The following MAP3K3 variants were observed in gnomAD, a reference collection of about 807,000 sequenced individuals.
The protein encoded by MAP3K3 is MAP/ERK kinase kinase 3.
In MAP3K3, 12 loss-of-function variants were observed where a neutral mutation model predicts 80.9. The observed-to-expected ratio is 0.15, with a 90% CI of 0.10 to 0.24. MAP3K3 has a LOEUF of 0.24. Among genes scored for constraint, MAP3K3 ranks in the 10% least tolerant of loss-of-function variants. MAP3K3 has a pLI of 1.00. For synonymous variants in MAP3K3, 272 were observed against 307.1 expected (o/e 0.89, Z 1.19); for missense variants, 596 against 834.7 (o/e 0.71, Z 3.52).
chr17:63,681,062 TATC>T (rs2008916170), intron 6 of MAP3K3, among the ~76,000 whole-genome samples: 1 of 147,732 alleles, frequency 6.8e-6, no homozygotes, highest in South Asian at 2.1e-4. Flanking sequence ...TGCAAGATAA[TATC>T]ATTACTCAGA....
intron 4 of MAP3K3, among the ~76,000 whole-genome samples, chr17:63,653,153 ACTC>A (rs1401284821): frequency 6.6e-6 from 1 of 151,210 alleles, no homozygotes; most frequent in Non-Finnish European, 1.5e-5. Flanking sequence ...AAGTTCTTTA[ACTC>A]CTCCTCCTCC....
At chr17:63,633,564 C>T (rs893568053) in intron 2 of MAP3K3, among the ~76,000 whole-genome samples, 1 of 152,116 alleles carries the variant, frequency 6.6e-6, no homozygotes, top group Non-Finnish European at 1.5e-5. Flanking sequence ...AGTTATTTTA[C>T]CTTATTAACC....
intron 3 of MAP3K3, among the ~76,000 whole-genome samples, chr17:63,652,005 C>T (rs2143341667): frequency 6.6e-6 from 1 of 152,270 alleles, no homozygotes; most frequent in Middle Eastern, 3.4e-3. Flanking sequence ...ACGTTTTCTA[C>T]CTTATTTCCT....
At chr17:63,684,430 C>T (rs2035405441) in intron 7 of MAP3K3, among the ~76,000 whole-genome samples, 1 of 152,142 alleles carries the variant, frequency 6.6e-6, no homozygotes, top group Admixed American at 6.5e-5. Context: ...TATCCTATAT[C>T]CTTAGCAACA....
At chr17:63,671,132 G>A (rs749837978) in intron 6 of MAP3K3, among the ~76,000 whole-genome samples, 99 of 151,974 alleles carry the variant, frequency 6.5e-4, no homozygotes, top group Non-Finnish European at 1.3e-4. Flanking sequence ...AGAGGAAGGA[G>A]CAGGTGAACT....
chr17:63,654,940 G>A lies in MAP3K3; in HGVS notation c.267+2284G>A, dbSNP rs202109501. Among the ~76,000 whole-genome samples, 129 of 152,204 alleles carry A rather than the reference G, an allele frequency of 8.5e-4. No homozygotes were observed. The East Asian group carries it at 0.023, about 27-fold the overall frequency. On this transcript the variant is annotated intron_variant, in intron 4 of 15. Coordinates refer to ENST00000361733, the MANE Select transcript of MAP3K3 (RefSeq NM_002401.5). ...AGTCCCAGCTACTCAGGAGCCTGAG[G>A]CAGAAGAATTACTTGAACCCGAGAG...
chr17:63,662,650 ATTTTTTTTTTTTT>A (rs1192833142), intron 5 of MAP3K3, among the ~76,000 whole-genome samples: 1 of 82,582 alleles, frequency 1.2e-5, no homozygotes, highest in African/African-American at 5.9e-5. Context: ...AGAAGAGGGA[ATTTTTTTTTTTTT>A]TTTTTTTTTT....
In MAP3K3 at chr17:63,689,461, G is replaced by A. The variant is rs910179295; in HGVS notation, c.872-83G>A. The A allele has an allele frequency of 1.6e-5, 19 of 1,214,186 alleles. No homozygotes were observed. Among genetic ancestry groups the A allele is most frequent in the Admixed American group, 8.9e-5 (4 of 45,034 alleles). The allele number at this position is 1,214,186 out of a possible 1,614,324, so 75.2% of individuals were successfully genotyped here. The stretch of plus-strand genomic sequence containing the variant: ...GTTTGTATATTCCGCCTTGTAGCCC[G>A]GGGTGTCTCAGACCTGGTTTGTACG... On this transcript the variant is annotated intron_variant, in intron 10 of 15. Transcript: ENST00000361733. This position sits in a 1 kb window ranked among gnomAD's most constrained non-coding sequence, Gnocchi z 4.3.
Position 63,692,474 on chromosome 17 carries a change from C to A in MAP3K3, c.1652+55C>A. 3 of 1,522,230 alleles carry A rather than the reference C, an allele frequency of 2.0e-6. No individual in the cohort carries two copies. The South Asian group carries it at 3.8e-5, about 19-fold the overall frequency. The allele number at this position is 1,522,230 out of a possible 1,614,324, so 94.3% of individuals were successfully genotyped here. On this transcript the variant is annotated intron_variant, in intron 15 of 15. Transcript: ENST00000361733. The surrounding 1 kb of genome is among the most constrained non-coding windows in gnomAD (Gnocchi z 4.5). ...TTCCACCCAGGCCATAGTGGCCCCC[C>A]ATTAGAAACACACCCTGGGGACTTT...
rs531762538 is a variant in MAP3K3 at position 63,631,191 on chromosome 17, G to C, written c.5-1490G>C. On this transcript the variant is annotated intron_variant, in intron 1 of 15. Coordinates refer to ENST00000361733, the MANE Select transcript of MAP3K3 (RefSeq NM_002401.5). ...AGTCCCAGCTACTCTGGAGGCTGAG[G>C]TGGAGGATTGTTTGAGCCTGGGGGT... Among the ~76,000 whole-genome samples the C allele has an allele frequency of 2.0e-5, 3 of 152,320 alleles. No individual in the cohort carries two copies. In the South Asian group the frequency reaches 6.2e-4, roughly 32 times the overall value.
At chr17:63,639,385 G>T (rs1276425389) in intron 2 of MAP3K3, among the ~76,000 whole-genome samples, 1 of 152,226 alleles carries the variant, frequency 6.6e-6, no homozygotes, top group East Asian at 1.9e-4. Flanking sequence ...TGGCTTTAAA[G>T]GGGGGTCCCT....
chr17:63,666,004 C>T (rs1398024618), intron 5 of MAP3K3, among the ~76,000 whole-genome samples: 3 of 152,218 alleles, frequency 2.0e-5, no homozygotes, highest in African/African-American at 7.2e-5. Context: ...CTCACCCCGA[C>T]TCTCACCAGT....
At chr17:63,661,858 C>T (rs748915853) in intron 5 of MAP3K3, among the ~76,000 whole-genome samples, 7 of 152,182 alleles carry the variant, frequency 4.6e-5, no homozygotes, top group Non-Finnish European at 8.8e-5. Flanking sequence ...AATCCCAGCA[C>T]TTTGGGAGGC....
rs1285404656 is a variant in MAP3K3 at position 63,630,966 on chromosome 17, A to C, written c.5-1715A>C. On this transcript the variant is annotated intron_variant, in intron 1 of 15. Coordinates refer to ENST00000361733, the MANE Select transcript of MAP3K3 (RefSeq NM_002401.5). The stretch of plus-strand genomic sequence containing the variant: ...GAGGGCATATAGGGCACCAGAGCAG[A>C]TTTCGTCTAGGAAGAGGGGAGAGGC... Among the ~76,000 whole-genome samples the C allele has an allele frequency of 2.0e-5, 3 of 152,082 alleles. No individual in the cohort carries two copies. In the East Asian group the frequency reaches 5.8e-4, roughly 29 times the overall value.
chr17:63,642,738 TTTTTG>T (rs1160800859), intron 2 of MAP3K3, among the ~76,000 whole-genome samples: 3 of 152,140 alleles, frequency 2.0e-5, no homozygotes, highest in Admixed American at 6.5e-5. Context: ...TAACCTCGTT[TTTTTG>T]TTTTGTTTTG....
chr17:63,646,183 C>G, intron 3 of MAP3K3, 109 bp downstream of exon 3: 1 of 967,098 alleles, frequency 1.0e-6, no homozygotes, highest in South Asian at 1.4e-5. Flanking sequence ...GGGCCACTGG[C>G]TGGGTAATAG....
At chr17:63,679,425 C>CAA (rs2035285001) in intron 6 of MAP3K3, among the ~76,000 whole-genome samples, 1 of 152,136 alleles carries the variant, frequency 6.6e-6, no homozygotes, top group South Asian at 2.1e-4. Context: ...GATGCTTAGT[C>CAA]CCTGGTGCAC....
At chr17:63,684,818 G>A (rs1209574266) in intron 7 of MAP3K3, among the ~76,000 whole-genome samples, 3 of 151,986 alleles carry the variant, frequency 2.0e-5, no homozygotes, top group Admixed American at 1.3e-4. Flanking sequence ...GTTGGAGCTC[G>A]GATAATGAAT....
At chr17:63,670,531 G>A (rs1261358749) in intron 6 of MAP3K3, among the ~76,000 whole-genome samples, 2 of 149,152 alleles carry the variant, frequency 1.3e-5, no homozygotes, top group Non-Finnish European at 3.0e-5. Context: ...TGCAGTGAGT[G>A]GAGATTGCAC....
Sources: gnomAD v4.1 joint callset for allele counts (sites outside exome capture counted in the v4.1 genomes callset) on GRCh38, gnomAD v4.1.1 for gene constraint, Gnocchi (gnomAD v3.1) non-coding constraint, MANE v1.5 for transcripts, NCBI Gene and HGNC (gene_info 2026-07-23, HGNC 2026-07-21) for gene names.